Variants in PRDM10 observed in about 807,000 individuals in gnomAD.
PRDM10 encodes PR domain zinc finger protein 10.
Under a neutral mutation model 133.1 loss-of-function variants are expected in PRDM10, and 65 were observed. The ratio of observed to expected loss-of-function variants is 0.49; its 90% confidence interval spans 0.40 to 0.60. The LOEUF (loss-of-function observed/expected upper bound fraction) is 0.60, where lower values mean the gene tolerates loss of function less well. Ranked by LOEUF, PRDM10 falls within the 20% of genes least tolerant of loss-of-function variation. The pLI, the probability that PRDM10 is intolerant of heterozygous loss-of-function variation, is 0.00. For missense variants in PRDM10, 1,137 were observed against 1,507.1 expected (o/e 0.75, Z 4.07); for synonymous variants, 582 against 580.4 (o/e 1.00, Z -0.04).
intron 1 of PRDM10, 46 bp downstream of exon 1, chr11:130,002,676 T>C (rs1170157859): frequency 6.5e-6 from 1 of 154,772 alleles, no homozygotes; most frequent in Non-Finnish European, 1.5e-5. Flanking sequence ...TATGGGGTAG[T>C]CTGGACCCTG....
intron 1 of PRDM10, among the ~76,000 whole-genome samples, chr11:129,981,448 G>A (rs1329213475): frequency 1.3e-5 from 2 of 152,136 alleles, no homozygotes; most frequent in African/African-American, 4.8e-5. Context: ...ATGTACTCAT[G>A]GAGAAATGTA....
intron 13 of PRDM10, among the ~76,000 whole-genome samples, chr11:129,922,725 C>T (rs1193260530): frequency 6.6e-6 from 1 of 152,146 alleles, no homozygotes; most frequent in Non-Finnish European, 1.5e-5. Context: ...CAGGGTTTTG[C>T]TCGGCTTCTT....
intron 1 of PRDM10, among the ~76,000 whole-genome samples, chr11:129,962,417 C>G (rs1019142572): frequency 2.0e-5 from 3 of 152,234 alleles, no homozygotes; most frequent in Non-Finnish European, 4.4e-5. Flanking sequence ...GTGCCTGTTC[C>G]TGCTTTGCCT....
At position 129,899,860 on chromosome 11, in the gene PRDM10, C is replaced by T. The variant is rs1949796418; in HGVS notation, c.*2453G>A. 6.6e-6 allele frequency: 1 copy of T among 152,582 alleles called. No individual in the cohort carries two copies. The highest frequency in any genetic ancestry group is 1.5e-5 in the Non-Finnish European group (1 of 68,032). The allele number at this position is 152,582 out of a possible 1,614,324, so 9.5% of individuals were successfully genotyped here. ...ACAGGATAGGGTCAACATTTTCAAC[C>T]AGTGGGTCAGCTTTAGCATCTCATG... is the stretch of plus-strand genomic sequence containing the variant. On this transcript the variant is annotated 3_prime_UTR_variant, in exon 21 of 21. Transcript: ENST00000360871.
chr11:129,959,045 C>T (rs1265050259), intron 2 of PRDM10, among the ~76,000 whole-genome samples: 1 of 152,164 alleles, frequency 6.6e-6, no homozygotes, highest in Non-Finnish European at 1.5e-5. Context: ...GTGTTGCTAT[C>T]GAAGTCACGC....
chr11:129,937,614 A>G lies in PRDM10; in HGVS notation c.1023T>C (p.Ser341=), dbSNP rs1280161185. ...TCTAACCACCTTTCCTTTCTTCCTC[A>G]GAAATGTCATGAATTTTCTGGTTCA... ...EFVNQKIHDI[S]EEERKVLREQ... The change falls in exon 8 of 21, where the codon TCT becomes TCC. Residue 341 remains serine, a synonymous_variant. Transcript: ENST00000360871. 3 of 1,613,686 alleles carry G rather than the reference A, an allele frequency of 1.9e-6. No homozygotes were observed. The highest frequency in any genetic ancestry group is 2.2e-5 in the East Asian group (1 of 44,876).
chr11:129,931,637 G>GACTC (rs1342686537), intron 10 of PRDM10, among the ~76,000 whole-genome samples: 2 of 149,448 alleles, frequency 1.3e-5, no homozygotes, highest in African/African-American at 4.9e-5. Context: ...GCGCGATCTC[G>GACTC]ACTCACTGCA....
At chr11:129,937,543 G>C in intron 8 of PRDM10, 55 bp downstream of exon 8, 2 of 1,510,376 alleles carry the variant, frequency 1.3e-6, no homozygotes, top group Admixed American at 3.7e-5. Flanking sequence ...ATAAAGATGT[G>C]ATATATACAA....
intron 6 of PRDM10, 45 bp from the exon 7 acceptor site, chr11:129,942,674 A>G: frequency 6.7e-7 from 1 of 1,482,446 alleles, no homozygotes; most frequent in Non-Finnish European, 9.3e-7. Context: ...AAAACCTTCA[A>G]TATGAGACAC....
At chr11:129,938,892 G>A (rs1308889231) in intron 7 of PRDM10, among the ~76,000 whole-genome samples, 1 of 152,030 alleles carries the variant, frequency 6.6e-6, no homozygotes, top group Non-Finnish European at 1.5e-5. Flanking sequence ...CAGTCAACAG[G>A]GCCTGCTTTC....
Position 129,902,487 on chromosome 11 carries a change from T to G in PRDM10, c.3297A>C (p.Ser1099=). 6.2e-7 allele frequency: 1 copy of G among 1,614,190 alleles called. No individual in the cohort carries two copies. The highest frequency in any genetic ancestry group is 1.6e-4 in the Middle Eastern group (1 of 6,062). ...SGHYVLSESQ[S]ELEEKQTSAL... is the part of the protein sequence containing the mutation. ...CAGAAGTTTGCTTTTCTTCCAATTC[T>G]GATTGACTTTCTGATAACACATAAT... Residue 1099 remains serine, a synonymous_variant, in exon 21 of 21, where the codon TCA becomes TCC. Coordinates refer to ENST00000360871, the MANE Select transcript of PRDM10 (RefSeq NM_199437.2).
chr11:129,974,208 T>C (rs1448935777), intron 1 of PRDM10, among the ~76,000 whole-genome samples: 3 of 152,168 alleles, frequency 2.0e-5, no homozygotes, highest in African/African-American at 7.2e-5. Flanking sequence ...GGCTAGACTA[T>C]GGTAAGCACT....
chr11:129,992,744 A>G (rs566975703), intron 1 of PRDM10, among the ~76,000 whole-genome samples: 9 of 152,364 alleles, frequency 5.9e-5, no homozygotes, highest in African/African-American at 2.2e-4. Context: ...TTAAAACACA[A>G]GAATACTTAT....
chr11:129,942,732 T>C, intron 6 of PRDM10, 103 bp from the exon 7 acceptor site: 5 of 1,029,950 alleles, frequency 4.9e-6, no homozygotes, highest in Non-Finnish European at 5.7e-6. Flanking sequence ...AAATTAACTA[T>C]ACATCCTGGC....
At chr11:129,988,844 T>C (rs983285416) in intron 1 of PRDM10, among the ~76,000 whole-genome samples, 22 of 151,986 alleles carry the variant, frequency 1.4e-4, no homozygotes, top group Admixed American at 1.3e-3. Context: ...TTAGCCAGGA[T>C]GGTCTCGATC....
rs749841074 is a variant in PRDM10, at chr11:129,945,526, C to T, written c.521-514G>A. 3.3e-5 allele frequency among the ~76,000 whole-genome samples: 5 copies of T among 152,242 alleles called. No individual in the cohort carries two copies. Among genetic ancestry groups the T allele is most frequent in the South Asian group, 4.1e-4 (2 of 4,824 alleles). On this transcript the variant is annotated intron_variant, in intron 5 of 20. Coordinates refer to ENST00000360871, the MANE Select transcript of PRDM10 (RefSeq NM_199437.2). This position sits in a 1 kb window ranked among gnomAD's most constrained non-coding sequence, Gnocchi z 4.2. ...TAACTCAAACGGAAAAAGGGTTGTG[C>T]GGTCTGAGAGTTCAGTGCATACTGT...
Position 129,914,509 on chromosome 11 carries a change from T to C in PRDM10, c.2841+195A>G, listed in dbSNP as rs1006904966. 14 of 781,644 alleles carry C rather than the reference T, an allele frequency of 1.8e-5. No individual in the cohort carries two copies. In the African/African-American group the frequency reaches 1.9e-4, roughly 11 times the overall value. The allele number at this position is 781,644 out of a possible 1,614,324, so 48.4% of individuals were successfully genotyped here. On this transcript the variant is annotated intron_variant, in intron 17 of 20. Coordinates refer to ENST00000360871, the MANE Select transcript of PRDM10 (RefSeq NM_199437.2). ...GGAACCTAAAATTTCCTGACTACTA[T>C]AGACAGAAATCTCTTACATTGCTAA...
rs1475214367 is a variant in PRDM10, at chr11:129,985,792, AAAAAAAAAAAAAAAAAAATATATATAT to A, written c.-119+16903_-119+16929del. ...GACAAACCCTGTCCAAAAAAAAAAA[AAAAAAAAAAAAAAAAAAATATATATAT>A]ATATATATATATATGTATATATAGT... On this transcript the variant is annotated intron_variant, in intron 1 of 20. Transcript: ENST00000360871. Among the ~76,000 whole-genome samples, 503 of 122,172 alleles carry A rather than the reference AAAAAAAAAAAAAAAAAAATATATATAT, an allele frequency of 4.1e-3. 4 individuals are homozygous for A. The highest frequency in any genetic ancestry group is 0.016 in the African/African-American group (466 of 28,356). 80.1% of individuals were successfully genotyped at this position (122,172 alleles called of 152,430 possible).
chr11:130,000,775 G>A (rs754771540), intron 1 of PRDM10, among the ~76,000 whole-genome samples: 13 of 152,158 alleles, frequency 8.5e-5, no homozygotes, highest in African/African-American at 1.2e-4. Flanking sequence ...CTTTAAAATG[G>A]TTCATTCTGT....
Sources: gnomAD v4.1 joint callset for allele counts (sites outside exome capture counted in the v4.1 genomes callset) on GRCh38, gnomAD v4.1.1 for gene constraint, Gnocchi (gnomAD v3.1) non-coding constraint, MANE v1.5 for transcripts, NCBI Gene and HGNC (gene_info 2026-07-23, HGNC 2026-07-21) for gene names.